Variants in PPARG observed in about 807,000 individuals in gnomAD.
The protein encoded by PPARG is peroxisome proliferator activated receptor gamma, also known as peroxisome proliferator-activated receptor gamma.
A neutral mutation model predicts 39.2 loss-of-function variants in PPARG; 17 were observed. The ratio of observed to expected loss-of-function variants is 0.43; its 90% CI spans 0.30 to 0.65. The LOEUF (loss-of-function observed/expected upper bound fraction) is 0.65, where lower values mean the gene tolerates loss of function less well. PPARG is among the 30% of genes least tolerant of loss of function. The pLI is 0.13. For missense variants in PPARG, 406 were observed against 585.9 expected (o/e 0.69, Z 3.17); for synonymous variants, 223 against 215.7 (o/e 1.03, Z -0.30).
At chr3:12,395,145 C>T (rs1186922686) in intron 5 of PPARG, among the ~76,000 whole-genome samples, 6 of 152,174 alleles carry the variant, frequency 3.9e-5, no homozygotes, top group Non-Finnish European at 7.3e-5. Context: ...TCAGTGATCA[C>T]CATGTCCTTT....
chr3:12,378,208 G>A (rs983576967), intron 2 of PPARG, among the ~76,000 whole-genome samples: 1 of 152,078 alleles, frequency 6.6e-6, no homozygotes, highest in African/African-American at 2.4e-5. Context: ...AAAACAGAAT[G>A]GACTGCCTCA....
intron 5 of PPARG, among the ~76,000 whole-genome samples, chr3:12,404,633 G>A (rs2050593300): frequency 6.6e-6 from 1 of 152,128 alleles, no homozygotes; most frequent in Non-Finnish European, 1.5e-5. Context: ...GTAAAACCCT[G>A]TCTCTACTAA....
At chr3:12,326,638 C>G (rs2047702098) in intron 2 of PPARG, among the ~76,000 whole-genome samples, 1 of 151,990 alleles carries the variant, frequency 6.6e-6, no homozygotes, top group African/African-American at 2.4e-5. Flanking sequence ...ATGTCTTTGT[C>G]TCTTTTTCAG....
intron 7 of PPARG, among the ~76,000 whole-genome samples, chr3:12,421,744 A>T (rs1401252633): frequency 4.6e-5 from 7 of 152,226 alleles, no homozygotes; most frequent in Admixed American, 4.6e-4. Context: ...TGCCGATATC[A>T]CTACAACGGC....
At chr3:12,338,605 A>G (rs2048084869) in intron 2 of PPARG, among the ~76,000 whole-genome samples, 1 of 152,242 alleles carries the variant, frequency 6.6e-6, no homozygotes, top group Non-Finnish European at 1.5e-5. Flanking sequence ...CCTTAACATT[A>G]AAGGTACAAA....
intron 2 of PPARG, among the ~76,000 whole-genome samples, chr3:12,349,250 T>G (rs534545429): frequency 6.6e-6 from 1 of 152,306 alleles, no homozygotes; most frequent in Admixed American, 6.5e-5. Context: ...GATGAATAAA[T>G]GTGGAAATAA....
chr3:12,429,552 C>CAAAAAA lies in PPARG; in HGVS notation c.1181-4330_1181-4325dup, dbSNP rs753288907. 4.0e-3 allele frequency among the ~76,000 whole-genome samples: 395 copies of CAAAAAA among 99,458 alleles called. 7 individuals carry two copies. Among genetic ancestry groups the CAAAAAA allele is most frequent in the African/African-American group, 0.014 (357 of 25,110 alleles). The allele number at this position is 99,458 out of a possible 152,430, so 65.2% of individuals were successfully genotyped here. ...GAAAATGTAGAGATTCTGTCTCTACCAAAAAAAAAAAAAAAAAAAAAGAAG... is the reference window on the plus strand; with the variant it reads ...GAAAATGTAGAGATTCTGTCTCTACCAAAAAAAAAAAAAAAAAAAAAAAAAAAGAAG... On this transcript the variant is annotated intron_variant, in intron 7 of 7. Coordinates refer to ENST00000651735, the MANE Select transcript of PPARG (RefSeq NM_138711.6).
At chr3:12,316,731 T>TAAA (rs1437748655) in intron 2 of PPARG, among the ~76,000 whole-genome samples, 1 of 151,412 alleles carries the variant, frequency 6.6e-6, no homozygotes, top group African/African-American at 2.4e-5. Context: ...TTTTTTTTTT[T>TAAA]AAAAAATCTA....
At chr3:12,336,951 T>C (rs950106878) in intron 2 of PPARG, among the ~76,000 whole-genome samples, 1 of 152,226 alleles carries the variant, frequency 6.6e-6, no homozygotes, top group Non-Finnish European at 1.5e-5. Flanking sequence ...GTTTGGAGTT[T>C]AGCAATCAAT....
At chr3:12,290,786 A>G (rs1559480976) in intron 1 of PPARG, among the ~76,000 whole-genome samples, 1 of 152,202 alleles carries the variant, frequency 6.6e-6, no homozygotes, top group Non-Finnish European at 1.5e-5. Context: ...AAAAGGCACA[A>G]CCGTGGAACA....
At chr3:12,359,769 G>A in intron 2 of PPARG, among the ~76,000 whole-genome samples, 1 of 149,430 alleles carries the variant, frequency 6.7e-6, no homozygotes, top group South Asian at 2.1e-4. Flanking sequence ...CTGCCCCCTG[G>A]GTTCACACAA....
chr3:12,297,752 A>T (rs1474325923), intron 1 of PPARG: 2 of 152,094 alleles, frequency 1.3e-5, no homozygotes, highest in Non-Finnish European at 2.9e-5. Flanking sequence ...TGGCAAATAG[A>T]GCTTTTAAAA....
intron 2 of PPARG, among the ~76,000 whole-genome samples, chr3:12,360,581 A>AAG (rs2048813415): frequency 6.6e-6 from 1 of 151,616 alleles, no homozygotes; most frequent in Non-Finnish European, 1.5e-5. Flanking sequence ...AGACAAAAAA[A>AAG]AAAAAAAACA....
intron 1 of PPARG, among the ~76,000 whole-genome samples, chr3:12,305,224 G>T (rs2047029325): frequency 6.6e-6 from 1 of 151,926 alleles, no homozygotes; most frequent in Non-Finnish European, 1.5e-5. Context: ...GCCTTTGGTT[G>T]TCTCTGAGTG....
Position 12,310,791 on chromosome 3 carries a change from TAAAAAAAAAAAAAAAA to T in PPARG, c.-82-1571_-82-1556del, listed in dbSNP as rs761238501. On this transcript the variant is annotated intron_variant, in intron 1 of 7. Coordinates refer to ENST00000651735, the MANE Select transcript of PPARG (RefSeq NM_138711.6). ...CCCTTTTTAATAGTTGCCTTAAATG[TAAAAAAAAAAAAAAAA>T]AAAAAAAAAAAAAAAAACCCAAGTG... Among the ~76,000 whole-genome samples, 28 of 50,360 alleles carry T rather than the reference TAAAAAAAAAAAAAAAA, an allele frequency of 5.6e-4. 1 individual carries two copies. In the South Asian group the frequency reaches 0.014, roughly 24 times the overall value. The allele number at this position is 50,360 out of a possible 152,430, so 33.0% of individuals were successfully genotyped here.
chr3:12,373,697 G>C (rs1208294777), intron 2 of PPARG, among the ~76,000 whole-genome samples: 1 of 152,132 alleles, frequency 6.6e-6, no homozygotes, highest in Non-Finnish European at 1.5e-5. Context: ...ATGCACATGG[G>C]AAGATAGAAT....
At chr3:12,375,314 TTGTA>T (rs2049367791) in intron 2 of PPARG, among the ~76,000 whole-genome samples, 1 of 151,878 alleles carries the variant, frequency 6.6e-6, no homozygotes, top group African/African-American at 2.4e-5. Flanking sequence ...GTCACTGAAA[TTGTA>T]TGTTAAAAAT....
intron 6 of PPARG, among the ~76,000 whole-genome samples, chr3:12,411,252 C>T (rs1575133884): frequency 6.6e-6 from 1 of 152,100 alleles, no homozygotes; most frequent in South Asian, 2.1e-4. Context: ...TGTTTGCCTG[C>T]TGAGTAACTC....
At chr3:12,382,888 T>G (rs1023363806) in intron 4 of PPARG, among the ~76,000 whole-genome samples, 19 of 152,098 alleles carry the variant, frequency 1.2e-4, no homozygotes, top group African/African-American at 4.6e-4. Flanking sequence ...AGAGGATCCC[T>G]TGATCCCAGA....
Sources: allele counts gnomAD v4.1 joint callset (sites outside exome capture counted in the v4.1 genomes callset), GRCh38; gene constraint gnomAD v4.1.1; transcripts MANE v1.5; gene names NCBI Gene and HGNC (gene_info 2026-07-23, HGNC 2026-07-21).